Variants in AFF3 observed in about 807,000 individuals in gnomAD.
The protein encoded by AFF3 is AF4/FMR2 family member 3.
In AFF3, 32 loss-of-function variants were observed where a neutral mutation model predicts 129.7. The ratio of observed to expected loss-of-function variants is 0.25; its 90% CI spans 0.19 to 0.33. The LOEUF is 0.33. AFF3 is among the 10% of genes least tolerant of loss of function. AFF3 has a pLI of 1.00. For synonymous variants in AFF3, 644 were observed against 635.4 expected, an observed-to-expected ratio of 1.01 and a Z score of -0.20; for missense variants, 1,373 against 1,592.0, an observed-to-expected ratio of 0.86 and a Z score of 2.34.
At chr2:100,121,705 G>A (rs563641739) in intron 2 of AFF3, among the ~76,000 whole-genome samples, 1 of 152,292 alleles carries the variant, frequency 6.6e-6, no homozygotes, top group African/African-American at 2.4e-5. Flanking sequence ...AGGCAGTTAG[G>A]TGGGCAGTGG....
At chr2:99,740,547 ATT>A (rs1411890550) in intron 10 of AFF3, among the ~76,000 whole-genome samples, 3 of 147,954 alleles carry the variant, frequency 2.0e-5, no homozygotes, top group African/African-American at 7.5e-5. Flanking sequence ...TTTGATTTGC[ATT>A]TCTCTGATGG....
intron 7 of AFF3, among the ~76,000 whole-genome samples, chr2:99,872,662 CTT>C (rs1691968828): frequency 6.9e-6 from 1 of 144,942 alleles, no homozygotes; most frequent in South Asian, 2.1e-4. Context: ...ATCGGTCTAT[CTT>C]GAGCTCTAAA....
At chr2:100,045,887 T>C (rs549452078) in intron 4 of AFF3, among the ~76,000 whole-genome samples, 13 of 152,332 alleles carry the variant, frequency 8.5e-5, no homozygotes, top group South Asian at 8.3e-4. Context: ...ACAAAATGCA[T>C]GTTAATCAAC....
chr2:99,752,400 G>A, intron 8 of AFF3, 99 bp from the exon 9 acceptor site: 2 of 906,994 alleles, frequency 2.2e-6, no homozygotes, highest in South Asian at 1.6e-5. Context: ...CATAAGGCAG[G>A]GAAGGGTTAA....
chr2:99,960,689 G>A (rs1677127694), intron 7 of AFF3, among the ~76,000 whole-genome samples: 1 of 152,120 alleles, frequency 6.6e-6, no homozygotes, highest in South Asian at 2.1e-4. Flanking sequence ...TATCCTTTGT[G>A]CTTGCTTACA....
chr2:100,114,060 G>A (rs1691629742), intron 2 of AFF3, among the ~76,000 whole-genome samples: 1 of 152,178 alleles, frequency 6.6e-6, no homozygotes, highest in Non-Finnish European at 1.5e-5. Context: ...ATTCAGTAAA[G>A]CAGCTAGTGA....
At chr2:99,860,972 C>A (rs1690946076) in intron 7 of AFF3, among the ~76,000 whole-genome samples, 1 of 152,156 alleles carries the variant, frequency 6.6e-6, no homozygotes, top group Non-Finnish European at 1.5e-5. Context: ...CCATGCTGTA[C>A]ACTAGGTCCC....
At chr2:99,665,173 C>T (rs535693936) in intron 12 of AFF3, among the ~76,000 whole-genome samples, 7 of 152,138 alleles carry the variant, frequency 4.6e-5, no homozygotes, top group South Asian at 2.1e-4. Context: ...CTGAGGGCTC[C>T]GAATTTGATC....
At chr2:99,627,567 C>T (rs1171396694) in intron 13 of AFF3, among the ~76,000 whole-genome samples, 1 of 152,110 alleles carries the variant, frequency 6.6e-6, no homozygotes, top group African/African-American at 2.4e-5. Flanking sequence ...TGCAGAAGCT[C>T]TTTAGTTTAA....
In AFF3 at chr2:100,064,615, C is replaced by T. The variant is rs1401672122; in HGVS notation, c.53+39787G>A. 5.3e-5 allele frequency among the ~76,000 whole-genome samples: 8 copies of T among 152,164 alleles called. No individual in the cohort carries two copies. In the South Asian group the frequency reaches 6.2e-4, roughly 12 times the overall value. ...AAAAGCTTGTGATAAATTCCTGTTA[C>T]CTATGCATTGCAAGTTGCAGAAGAA... On this transcript the variant is annotated intron_variant, in intron 4 of 24. Coordinates refer to ENST00000672756, the MANE Select transcript of AFF3 (RefSeq NM_001386135.1).
chr2:99,686,222 C>A (rs1424356574), intron 11 of AFF3, among the ~76,000 whole-genome samples: 2 of 152,074 alleles, frequency 1.3e-5, no homozygotes, highest in Non-Finnish European at 2.9e-5. Flanking sequence ...CAGTCCAATG[C>A]AGACTTTCTG....
At chr2:99,825,837 G>A (rs1281753242) in intron 8 of AFF3, among the ~76,000 whole-genome samples, 2 of 152,124 alleles carry the variant, frequency 1.3e-5, no homozygotes, top group Non-Finnish European at 2.9e-5. Flanking sequence ...TGTGCCAATT[G>A]TACAATGTGT....
At chr2:99,830,424 T>C (rs1688432422) in intron 8 of AFF3, among the ~76,000 whole-genome samples, 1 of 152,078 alleles carries the variant, frequency 6.6e-6, no homozygotes, top group African/African-American at 2.4e-5. Flanking sequence ...AAAGCAAAAA[T>C]TGTAAGGAGC....
chr2:99,639,328 C>T (rs772901971), intron 13 of AFF3, among the ~76,000 whole-genome samples: 3 of 152,166 alleles, frequency 2.0e-5, no homozygotes, highest in Non-Finnish European at 4.4e-5. Context: ...CGTTTGTTCA[C>T]GTTAATGCAG....
intron 7 of AFF3, among the ~76,000 whole-genome samples, chr2:99,884,556 AC>A (rs758803406): frequency 1.4e-5 from 2 of 142,326 alleles, no homozygotes; most frequent in Admixed American, 7.2e-5. Flanking sequence ...ATAACACCAC[AC>A]CTGGCTAATT....
chr2:99,688,126 G>A (rs1357484850), intron 11 of AFF3, among the ~76,000 whole-genome samples: 2 of 152,194 alleles, frequency 1.3e-5, no homozygotes, highest in African/African-American at 2.4e-5. Flanking sequence ...ACAGGTGTGA[G>A]CCACTGCGCC....
intron 4 of AFF3, among the ~76,000 whole-genome samples, chr2:100,095,525 T>C (rs1690211582): frequency 6.6e-6 from 1 of 152,234 alleles, no homozygotes. Flanking sequence ...GTCTCAAGAC[T>C]GCAAGATTTA....
chr2:99,729,325 G>A (rs141163508), intron 10 of AFF3, among the ~76,000 whole-genome samples: 31 of 152,288 alleles, frequency 2.0e-4, no homozygotes, highest in African/African-American at 6.3e-4. Flanking sequence ...GGACAGATGC[G>A]CAGCTGATTA....
chr2:100,077,859 A>T (rs6740622), intron 4 of AFF3, among the ~76,000 whole-genome samples: 19,294 of 152,180 alleles, frequency 0.13, 1,597 homozygotes, highest in South Asian at 0.2. Context: ...AATTTTATCC[A>T]AGAGGGAAAG....
Sources: gnomAD v4.1 joint callset for allele counts (sites outside exome capture counted in the v4.1 genomes callset) on GRCh38, gnomAD v4.1.1 for gene constraint, MANE v1.5 for transcripts, NCBI Gene and HGNC (gene_info 2026-07-23, HGNC 2026-07-21) for gene names.